The following CDKAL1 variants were observed in gnomAD, a reference collection of about 807,000 sequenced individuals.
CDKAL1 encodes the protein CDKAL1 threonylcarbamoyladenosine tRNA methylthiotransferase.
In CDKAL1, 32 loss-of-function variants were observed where a neutral mutation model predicts 68.2. The ratio of observed to expected loss-of-function variants is 0.47; its 90% CI spans 0.35 to 0.63. The LOEUF (loss-of-function observed/expected upper bound fraction) is 0.63, where lower values mean the gene tolerates loss of function less well. CDKAL1 is among the 30% of genes least tolerant of loss of function. The pLI is 0.00. For synonymous variants in CDKAL1, 234 were observed against 244.3 expected (o/e 0.96, Z 0.39); for missense variants, 606 against 696.7 (o/e 0.87, Z 1.47).
At chr6:21,095,163 A>G (rs886436859) in intron 12 of CDKAL1, among the ~76,000 whole-genome samples, 2 of 152,240 alleles carry the variant, frequency 1.3e-5, no homozygotes, top group African/African-American at 4.8e-5. Context: ...GGAGAGCAGT[A>G]TCCCGAGGCT....
intron 4 of CDKAL1, among the ~76,000 whole-genome samples, chr6:20,582,511 T>C (rs1053045522): frequency 2.0e-5 from 3 of 152,334 alleles, no homozygotes; most frequent in Admixed American, 1.3e-4. Context: ...CTTTGACATA[T>C]GAGGGTTTTT....
At position 21,058,734 on chromosome 6, in the gene CDKAL1, G is replaced by T. The variant is rs1193041121; in HGVS notation, c.1056-6314G>T. ...TGGTGACAAATACCCTCACCTGGAG[G>T]TGTCACCAGTGGGGGCTGCAGAACA... On this transcript the variant is annotated intron_variant, in intron 11 of 15. Transcript: ENST00000274695. Among the ~76,000 whole-genome samples the T allele has an allele frequency of 2.0e-5, 3 of 152,146 alleles. No individual in the cohort carries two copies. In the East Asian group the frequency reaches 5.8e-4, roughly 29 times the overall value.
intron 5 of CDKAL1, among the ~76,000 whole-genome samples, chr6:20,661,881 C>T (rs536393461): frequency 3.3e-5 from 5 of 152,258 alleles, no homozygotes; most frequent in Middle Eastern, 3.4e-3. Flanking sequence ...GAAATACTTA[C>T]ATAATTAAAT....
chr6:21,076,374 C>CAG (rs1448050044), intron 12 of CDKAL1, among the ~76,000 whole-genome samples: 1 of 152,178 alleles, frequency 6.6e-6, no homozygotes, highest in Non-Finnish European at 1.5e-5. Flanking sequence ...CACACACACA[C>CAG]AGACACGTGA....
intron 2 of CDKAL1, 134 bp from the exon 3 acceptor site, chr6:20,546,212 C>T: frequency 1.6e-6 from 1 of 630,972 alleles, no homozygotes; most frequent in Non-Finnish European, 2.7e-6. Context: ...TTCTTTATCT[C>T]TTGTATTTTC....
chr6:20,870,752 G>A (rs1448526957), intron 9 of CDKAL1, among the ~76,000 whole-genome samples: 1 of 152,170 alleles, frequency 6.6e-6, no homozygotes, highest in Non-Finnish European at 1.5e-5. Flanking sequence ...TTTAACCTTT[G>A]AAATTGTCAA....
rs756883799 is a variant in CDKAL1, at chr6:20,616,839, CCACACACACA to C, written c.287-32420_287-32411del. Among the ~76,000 whole-genome samples, 174 of 121,392 alleles carry C rather than the reference CCACACACACA, an allele frequency of 1.4e-3. No individual in the cohort carries two copies. The South Asian group carries it at 0.018, about 13-fold the overall frequency. The allele number at this position is 121,392 out of a possible 152,430, so 79.6% of individuals were successfully genotyped here. On this transcript the variant is annotated intron_variant, in intron 4 of 15. Coordinates refer to ENST00000274695, the MANE Select transcript of CDKAL1 (RefSeq NM_017774.3). ...ACAGCATGGCGAAACCCCGACTCTA[CCACACACACA>C]CACACACACACACACACACACACAC...
intron 13 of CDKAL1, among the ~76,000 whole-genome samples, chr6:21,193,792 C>A (rs1357904184): frequency 6.6e-6 from 1 of 152,200 alleles, no homozygotes. Flanking sequence ...CTCTTGACGC[C>A]ACCCACCAGA....
At chr6:20,877,151 T>C (rs1215439109) in intron 9 of CDKAL1, among the ~76,000 whole-genome samples, 1 of 152,174 alleles carries the variant, frequency 6.6e-6, no homozygotes, top group African/African-American at 2.4e-5. Context: ...GGAAAGACTT[T>C]TGTGGTTAGG....
At chr6:20,755,797 A>G (rs1191482647) in intron 6 of CDKAL1, among the ~76,000 whole-genome samples, 1 of 152,216 alleles carries the variant, frequency 6.6e-6, no homozygotes, top group Non-Finnish European at 1.5e-5. Flanking sequence ...ATGGTCTCAT[A>G]TTTCAACTGG....
chr6:20,613,141 A>G (rs1766706404), intron 4 of CDKAL1, among the ~76,000 whole-genome samples: 1 of 151,902 alleles, frequency 6.6e-6, no homozygotes, highest in South Asian at 2.1e-4. Flanking sequence ...AAAAGTTAGC[A>G]TATAATACAC....
intron 13 of CDKAL1, among the ~76,000 whole-genome samples, chr6:21,138,237 CTGTGTGTG>C (rs144464167): frequency 1.3e-5 from 2 of 151,166 alleles, no homozygotes; most frequent in African/African-American, 4.9e-5. Context: ...ATGTGTGTGT[CTGTGTGTG>C]TGTGTGTGTG....
chr6:21,012,883 C>A (rs1768100921), intron 11 of CDKAL1, among the ~76,000 whole-genome samples: 1 of 152,196 alleles, frequency 6.6e-6, no homozygotes, highest in Admixed American at 6.5e-5. Flanking sequence ...GCTGTGCAGA[C>A]CATCCTGCAT....
chr6:21,167,304 A>G (rs1394322320), intron 13 of CDKAL1, among the ~76,000 whole-genome samples: 1 of 152,222 alleles, frequency 6.6e-6, no homozygotes, highest in Non-Finnish European at 1.5e-5. Context: ...GGTACTGTCA[A>G]AGCTGACAAC....
At chr6:20,682,990 T>C (rs1199024326) in intron 5 of CDKAL1, among the ~76,000 whole-genome samples, 1 of 151,482 alleles carries the variant, frequency 6.6e-6, no homozygotes, top group African/African-American at 2.4e-5. Flanking sequence ...TCTTGCTATG[T>C]TGCCTAGGCA....
At chr6:20,676,183 TGTTTA>T (rs1441084343) in intron 5 of CDKAL1, among the ~76,000 whole-genome samples, 1 of 151,808 alleles carries the variant, frequency 6.6e-6, no homozygotes, top group Non-Finnish European at 1.5e-5. Flanking sequence ...TATAGTAAGC[TGTTTA>T]GTTTATTATT....
intron 4 of CDKAL1, among the ~76,000 whole-genome samples, chr6:20,611,602 T>G (rs1362659893): frequency 6.6e-6 from 1 of 152,192 alleles, no homozygotes; most frequent in Non-Finnish European, 1.5e-5. Context: ...CTAAGAATAT[T>G]AAAACTTGAA....
intron 13 of CDKAL1, among the ~76,000 whole-genome samples, chr6:21,136,555 A>G (rs1775608522): frequency 6.6e-6 from 1 of 152,244 alleles, no homozygotes; most frequent in South Asian, 2.1e-4. Flanking sequence ...TGAAAGCACA[A>G]AGTATTCAGT....
chr6:20,674,398 T>C (rs1769992311), intron 5 of CDKAL1, among the ~76,000 whole-genome samples: 1 of 152,228 alleles, frequency 6.6e-6, no homozygotes, highest in African/African-American at 2.4e-5. Context: ...TATTTTGTCA[T>C]GTTAAGAAAC....
Sources: gnomAD v4.1 joint callset for allele counts (sites outside exome capture counted in the v4.1 genomes callset) on GRCh38, gnomAD v4.1.1 for gene constraint, MANE v1.5 for transcripts, NCBI Gene and HGNC (gene_info 2026-07-23, HGNC 2026-07-21) for gene names.